Variants in MUL1 observed in about 807,000 individuals in gnomAD.
MUL1 encodes mitochondrial ubiquitin ligase activator of NFKB 1.
A neutral mutation model predicts 34.1 loss-of-function variants in MUL1; 30 were observed. The ratio of observed to expected loss-of-function variants is 0.88; its 90% CI spans 0.66 to 1.19. The LOEUF (loss-of-function observed/expected upper bound fraction) is 1.19. Ranked by LOEUF, MUL1 falls within the 50% of genes most tolerant of loss-of-function variation. The probability of loss-of-function intolerance (pLI) is 0.00; values close to 1 mark genes in which losing one functional copy is unlikely to be tolerated. For synonymous variants in MUL1, 191 were observed against 187.8 expected, an observed-to-expected ratio of 1.02 and a Z score of -0.14; for missense variants, 419 against 450.5, an observed-to-expected ratio of 0.93 and a Z score of 0.63.
At chr1:20,502,844 AT>A (rs899981166) in intron 2 of MUL1, among the ~76,000 whole-genome samples, 19 of 151,050 alleles carry the variant, frequency 1.3e-4, no homozygotes, top group East Asian at 3.9e-4. Flanking sequence ...TCAAAAAAAA[AT>A]TTTTTTTTTA....
rs2101114670 is a variant in MUL1 at position 20,500,858 on chromosome 1, A to G, written c.891T>C (p.Ser297=). Residue 297 remains serine, a synonymous_variant, in exon 4 of 4, where the codon AGT becomes AGC. Coordinates refer to ENST00000264198, the MANE Select transcript of MUL1 (RefSeq NM_024544.3). ...LSRAKPEDRE[S]LKSACVVCLS... is the part of the protein sequence containing the mutation. ...GACACACTACACAGGCGCTCTTCAGACTCTCCCTGTCCTCAGGCTTGGCTC... is the reference window on the plus strand; with the variant it reads ...GACACACTACACAGGCGCTCTTCAGGCTCTCCCTGTCCTCAGGCTTGGCTC... The G allele has an allele frequency of 6.2e-7, 1 of 1,613,522 alleles. No individual in the cohort carries two copies.
At chr1:20,502,408 G>A (rs1448095902) in intron 2 of MUL1, among the ~76,000 whole-genome samples, 1 of 152,164 alleles carries the variant, frequency 6.6e-6, no homozygotes, top group Non-Finnish European at 1.5e-5. Context: ...AGTTAGCAGG[G>A]TGTGGTGGCA....
chr1:20,503,469 T>G (rs1367867014), intron 1 of MUL1, among the ~76,000 whole-genome samples, 160 bp from the exon 2 acceptor site: 1 of 152,186 alleles, frequency 6.6e-6, no homozygotes, highest in Non-Finnish European at 1.5e-5. Flanking sequence ...TTCAAAGCTG[T>G]GTACATCAAC....
Position 20,501,152 on chromosome 1 carries a change from G to A in MUL1, c.597C>T (p.Gly199=), listed in dbSNP as rs547802214. The A allele has an allele frequency of 3.7e-6, 6 of 1,614,012 alleles. No homozygotes were observed. The Admixed American group carries it at 5.0e-5, about 13-fold the overall frequency. ...LKVGATLTGV[G]ELVLDNNSVR... is the part of the protein sequence containing the mutation. ...CAGAGTTGTTGTCCAGGACCAGTTC[G>A]CCAACCCCTGTGAGGGTGGCCCCCA... The change falls in exon 4 of 4, where the codon GGC becomes GGT. Residue 199 remains glycine, a synonymous_variant. Coordinates refer to ENST00000264198, the MANE Select transcript of MUL1 (RefSeq NM_024544.3). The surrounding 1 kb of genome is among the most constrained non-coding windows in gnomAD (Gnocchi z 4.2).
chr1:20,507,938 G>C lies in MUL1; in HGVS notation c.87C>G (p.Tyr29Ter). 1 of 1,596,598 alleles carries C rather than the reference G, an allele frequency of 6.3e-7. No individual in the cohort carries two copies. The highest frequency in any genetic ancestry group is 8.5e-7 in the Non-Finnish European group (1 of 1,172,492). ...CTTGGGAGACCCGGGCCTTCTGCCGGTACACGGAGTACAGGGCGGCGGTGA... is the reference window on the plus strand; with the variant it reads ...CTTGGGAGACCCGGGCCTTCTGCCGCTACACGGAGTACAGGGCGGCGGTGA... ...SVVTAALYSV[Y>*]RQKARVSQEL... Residue 29 changes from tyrosine (Y) to a stop codon, truncating the protein, a stop_gained, in exon 1 of 4, where the codon TAC becomes TAG. Coordinates refer to ENST00000264198, the MANE Select transcript of MUL1 (RefSeq NM_024544.3). LOFTEE classifies it high-confidence loss of function.
chr1:20,500,662 C>T lies in MUL1; in HGVS notation c.*28G>A. 6.6e-7 allele frequency: 1 copy of T among 1,526,272 alleles called. No individual in the cohort carries two copies. Among genetic ancestry groups the T allele is most frequent in the Non-Finnish European group, 8.8e-7 (1 of 1,136,252 alleles). The allele number at this position is 1,526,272 out of a possible 1,614,324, so 94.5% of individuals were successfully genotyped here. On this transcript the variant is annotated 3_prime_UTR_variant, in exon 4 of 4. Coordinates refer to ENST00000264198, the MANE Select transcript of MUL1 (RefSeq NM_024544.3). ...CCTGAAAAGGGGGCAGGGGTGCTTC[C>T]AGGTCAAGCTGTGCGGCTTCCAAAC... is the stretch of plus-strand genomic sequence containing the variant.
Position 20,500,929 on chromosome 1 carries a change from G to C in MUL1, c.820C>G (p.Gln274Glu), listed in dbSNP as rs773287139. Residue 274 changes from glutamine (Q) to glutamate (E), a missense_variant, in exon 4 of 4, where the codon CAG becomes GAG. By Grantham distance (29) the Gln-to-Glu change is conservative. Transcript: ENST00000264198. ...TGCTCCTGGAACTCCTCCTGCATCT[G>C]CTTGAGGCGCAGGCGCTCCTGCCGC... ...LQRQERLRLK[Q>E]MQEEFQEHEA... The C allele has an allele frequency of 6.2e-7, 1 of 1,614,092 alleles. No homozygotes were observed. The highest frequency in any genetic ancestry group is 1.7e-5 in the Admixed American group (1 of 60,026).
In MUL1 at chr1:20,508,065, T is replaced by C. The variant is rs1238691887; in HGVS notation, c.-41A>G. On this transcript the variant is annotated 5_prime_UTR_variant, in exon 1 of 4. Coordinates refer to ENST00000264198, the MANE Select transcript of MUL1 (RefSeq NM_024544.3). The stretch of plus-strand genomic sequence containing the variant: ...CGGTGGCCGACTGTGGCGCCAAGGA[T>C]AGGCCTGGTGACCCCCGACTCTCCA... 6.4e-7 allele frequency: 1 copy of C among 1,566,328 alleles called. No homozygotes were observed.
In MUL1 at chr1:20,503,305, G is replaced by C; in HGVS notation, c.125C>G (p.Ala42Gly). Residue 42 changes from alanine to glycine, a missense_variant, in exon 2 of 4, where the codon GCT becomes GGT. Physicochemically the swap from Ala to Gly is moderately conservative, Grantham distance 60. Coordinates refer to ENST00000264198, the MANE Select transcript of MUL1 (RefSeq NM_024544.3). ...KARVSQELKG[A>G]KKVHLGEDLK... ...ATCTTCACCCAAATGAACTTTTTTA[G>C]CTCCCTAAATAAAAAAAAAAAATTA... The C allele has an allele frequency of 6.3e-7, 1 of 1,583,388 alleles. No individual in the cohort carries two copies. Among genetic ancestry groups the C allele is most frequent in the Admixed American group, 1.8e-5 (1 of 56,042 alleles).
In MUL1 at chr1:20,501,025, C is replaced by T. The variant is rs575043984; in HGVS notation, c.724G>A (p.Val242Met). ...GCAAAGCCAAAAACCAGCGCCAGCA[C>T]CTTCCAGAGCCTGACGCTCGACTCC... ...RQESSVRLWK[V>M]LALVFGFATC... Residue 242 changes from valine to methionine, a missense_variant, in exon 4 of 4, where the codon GTG (valine) becomes ATG (methionine). Transcript: ENST00000264198. This position sits in a 1 kb window ranked among gnomAD's most constrained non-coding sequence, Gnocchi z 4.2. 3.1e-6 allele frequency: 5 copies of T among 1,614,102 alleles called. No homozygotes were observed. The highest frequency in any genetic ancestry group is 4.2e-6 in the Non-Finnish European group (5 of 1,180,046).
chr1:20,503,126 C>G lies in MUL1; in HGVS notation c.208+96G>C, dbSNP rs1320948725. ...CAAAGTATGTTCTGGACCATGGACCCAACACCACAAAAGGCTCTTCATATT... is the reference window on the plus strand; with the variant it reads ...CAAAGTATGTTCTGGACCATGGACCGAACACCACAAAAGGCTCTTCATATT... On this transcript the variant is annotated intron_variant, in intron 2 of 3. Coordinates refer to ENST00000264198, the MANE Select transcript of MUL1 (RefSeq NM_024544.3). 3.6e-6 allele frequency: 3 copies of G among 838,164 alleles called. No individual in the cohort carries two copies. The East Asian group carries it at 7.9e-5, about 22-fold the overall frequency. The allele number at this position is 838,164 out of a possible 1,614,324, so 51.9% of individuals were successfully genotyped here.
intron 1 of MUL1, among the ~76,000 whole-genome samples, chr1:20,503,937 T>G (rs1462533197): frequency 1.3e-5 from 2 of 151,518 alleles, no homozygotes; most frequent in Non-Finnish European, 2.9e-5. Flanking sequence ...AGTAGTGCAA[T>G]CATGGCTCAC....
chr1:20,501,318 G>A lies in MUL1; in HGVS notation c.431C>T (p.Pro144Leu), dbSNP rs1160774663. The change falls in exon 4 of 4, where the codon CCC becomes CTC. Residue 144 changes from proline (P) to leucine (L), a missense_variant. Transcript: ENST00000264198. This position sits in a 1 kb window ranked among gnomAD's most constrained non-coding sequence, Gnocchi z 4.2. ...TAGACCCAGATCCACTGAGTCCAGG[G>A]GCTTCAGCACTCGCACAGCCACATC... Reference protein sequence around the residue: ...GVDVAVRVLKPLDSVDLGLET... With the variant: ...GVDVAVRVLKLLDSVDLGLET... 1.2e-6 allele frequency: 2 copies of A among 1,614,120 alleles called. No homozygotes were observed. Among genetic ancestry groups the A allele is most frequent in the Non-Finnish European group, 1.7e-6 (2 of 1,180,032 alleles).
Position 20,500,977 on chromosome 1 carries a change from TGAA to T in MUL1, c.769_771del (p.Phe257del). The T allele has an allele frequency of 1.2e-6, 2 of 1,614,066 alleles. No individual in the cohort carries two copies. The highest frequency in any genetic ancestry group is 1.7e-6 in the Non-Finnish European group (2 of 1,180,036). ...CGCTGCAGATACTGCTTCCGGAGAA[TGAA>T]GAAGAGGGTGGCACATGTGGCAAAG... On this transcript the variant is annotated inframe_deletion, in exon 4 of 4. Coordinates refer to ENST00000264198, the MANE Select transcript of MUL1 (RefSeq NM_024544.3).
At chr1:20,502,221 G>A (rs576076376) in intron 2 of MUL1, 32 bp from the exon 3 acceptor site, 52 of 1,613,082 alleles carry the variant, frequency 3.2e-5, no homozygotes, top group Admixed American at 2.3e-4. Context: ...TATTTCTGAA[G>A]AAGTTTTCTG....
Position 20,503,275 on chromosome 1 carries a change from T to A in MUL1, c.155A>T (p.Lys52Met). 1.9e-6 allele frequency: 3 copies of A among 1,608,024 alleles called. No homozygotes were observed. The highest frequency in any genetic ancestry group is 2.5e-6 in the Non-Finnish European group (3 of 1,177,832). ...AKKVHLGEDL[K>M]SILSEAPGKC... ...TCCTGGAGCTTCTGAAAGAATACTC[T>A]TTAAATCTTCACCCAAATGAACTTT... Residue 52 changes from lysine (K) to methionine (M), a missense_variant, in exon 2 of 4, where the codon AAG becomes ATG. Physicochemically the swap from Lys to Met is moderately conservative, Grantham distance 95 (BLOSUM62 -1). Transcript: ENST00000264198.
At position 20,501,028 on chromosome 1, in the gene MUL1, T is replaced by A. The variant is rs968339115; in HGVS notation, c.721A>T (p.Lys241Ter). The change falls in exon 4 of 4, where the codon AAG becomes TAG. Residue 241 changes from lysine to a stop codon, truncating the protein, a stop_gained. Transcript: ENST00000264198. LOFTEE classifies it high-confidence loss of function. This position sits in a 1 kb window ranked among gnomAD's most constrained non-coding sequence, Gnocchi z 4.2. ...AAGCCAAAAACCAGCGCCAGCACCT[T>A]CCAGAGCCTGACGCTCGACTCCTGC... The part of the protein sequence containing the change: ...QRQESSVRLW[K>*]VLALVFGFAT... 8 of 1,614,024 alleles carry A rather than the reference T, an allele frequency of 5.0e-6. No individual in the cohort carries two copies. The highest frequency in any genetic ancestry group is 1.6e-4 in the Middle Eastern group (1 of 6,062).
intron 1 of MUL1, among the ~76,000 whole-genome samples, chr1:20,505,998 G>A (rs764301740): frequency 6.6e-6 from 1 of 152,180 alleles, no homozygotes; most frequent in Non-Finnish European, 1.5e-5. Context: ...CCACTGCACA[G>A]CAAATCCAAT....
In MUL1 at chr1:20,499,714, G is replaced by C. The variant is rs2051633365; in HGVS notation, c.*976C>G. The stretch of plus-strand genomic sequence containing the variant: ...TAATACTGGGAGGGGGTAACACAAG[G>C]AGAAGCGACATGAGTACACCAAGAT... On this transcript the variant is annotated 3_prime_UTR_variant, in exon 4 of 4. Transcript: ENST00000264198. 1 of 152,060 alleles carries C rather than the reference G, an allele frequency of 6.6e-6. No homozygotes were observed. The allele number at this position is 152,060 out of a possible 1,614,324, so 9.4% of individuals were successfully genotyped here. A position where few individuals can be genotyped will look rare whatever the true frequency, so the allele number is the denominator to read the frequency against.
Sources: gnomAD v4.1 joint callset for allele counts (sites outside exome capture counted in the v4.1 genomes callset) on GRCh38, gnomAD v4.1.1 for gene constraint, Gnocchi (gnomAD v3.1) non-coding constraint, MANE v1.5 for transcripts, NCBI Gene and HGNC (gene_info 2026-07-23, HGNC 2026-07-21) for gene names.